Variants in PPARD observed in about 807,000 individuals in gnomAD.
PPARD encodes peroxisome proliferator-activated receptor delta.
A neutral mutation model predicts 39.5 loss-of-function variants in PPARD; 6 were observed. That is an observed-to-expected ratio of 0.15 (90% confidence interval 0.08 to 0.30). The LOEUF (loss-of-function observed/expected upper bound fraction) is 0.30. PPARD is among the 10% of genes least tolerant of loss of function. The pLI, the probability that PPARD is intolerant of heterozygous loss-of-function variation, is 1.00. For missense variants in PPARD, 397 were observed against 596.8 expected (o/e 0.67, Z 3.49); for synonymous variants, 210 against 231.3 (o/e 0.91, Z 0.83).
chr6:35,383,530 A>G (rs564608545), intron 2 of PPARD, among the ~76,000 whole-genome samples: 2 of 137,820 alleles, frequency 1.5e-5, no homozygotes, highest in African/African-American at 5.8e-5. Context: ...CTGGCTGCCC[A>G]GTCTGGGAGG....
intron 2 of PPARD, among the ~76,000 whole-genome samples, chr6:35,364,403 G>C (rs1762075832): frequency 6.6e-6 from 1 of 150,726 alleles, no homozygotes; most frequent in African/African-American, 2.4e-5. Flanking sequence ...TAGTGAAATT[G>C]CTGGGTCATA....
In PPARD at chr6:35,349,647, C is replaced by T. The variant is rs902136253; in HGVS notation, c.-102+2497C>T. On this transcript the variant is annotated intron_variant, in intron 2 of 7. Coordinates refer to ENST00000360694, the MANE Select transcript of PPARD (RefSeq NM_006238.5). ...CCAAGTAGCTGGGACTACAGGTGCACACCACTGTGCCTGGCTAAGTTTTTT... is the reference window on the plus strand; with the variant it reads ...CCAAGTAGCTGGGACTACAGGTGCATACCACTGTGCCTGGCTAAGTTTTTT... Among the ~76,000 whole-genome samples, 71 of 152,000 alleles carry T rather than the reference C, an allele frequency of 4.7e-4. 1 individual carries two copies. The highest frequency in any genetic ancestry group is 1.6e-3 in the African/African-American group (68 of 41,360).
chr6:35,375,794 C>T (rs1046805682), intron 2 of PPARD, among the ~76,000 whole-genome samples: 8 of 152,286 alleles, frequency 5.3e-5, no homozygotes, highest in Admixed American at 3.9e-4. Context: ...CTCAAGCCCT[C>T]CTCCCACCTT....
chr6:35,408,747 T>G (rs992849054), intron 2 of PPARD, among the ~76,000 whole-genome samples: 1 of 152,290 alleles, frequency 6.6e-6, no homozygotes, highest in Middle Eastern at 3.4e-3. Context: ...AAAACCAAAA[T>G]TTTTAAAGGT....
chr6:35,416,288 C>T (rs1352259069), intron 3 of PPARD, among the ~76,000 whole-genome samples: 4 of 134,826 alleles, frequency 3.0e-5, no homozygotes, highest in Non-Finnish European at 4.6e-5. Context: ...GCAGGAGAAT[C>T]GCTTGAACCC....
intron 1 of PPARD, among the ~76,000 whole-genome samples, chr6:35,346,072 G>A (rs1792165697): frequency 1.3e-5 from 2 of 151,908 alleles, no homozygotes; most frequent in Admixed American, 1.3e-4. Flanking sequence ...GTAGAGACAG[G>A]GTTTCACCGT....
intron 2 of PPARD, among the ~76,000 whole-genome samples, chr6:35,369,242 C>T (rs1762358277): frequency 1.3e-5 from 2 of 152,068 alleles, no homozygotes; most frequent in African/African-American, 4.8e-5. Context: ...CCCTTCACAC[C>T]CCCTCTTTTT....
At chr6:35,346,215 G>C (rs917567547) in intron 1 of PPARD, among the ~76,000 whole-genome samples, 1 of 152,260 alleles carries the variant, frequency 6.6e-6, no homozygotes, top group Admixed American at 6.5e-5. Flanking sequence ...GCTATATCCT[G>C]TCCCTGAGGC....
intron 2 of PPARD, among the ~76,000 whole-genome samples, chr6:35,376,968 TGAG>T (rs1325577744): frequency 3.4e-5 from 5 of 148,842 alleles, no homozygotes; most frequent in Admixed American, 2.0e-4. Flanking sequence ...TGCAGTGAGC[TGAG>T]ATCACGCCAC....
At chr6:35,380,474 TTG>T (rs1490346875) in intron 2 of PPARD, among the ~76,000 whole-genome samples, 55 of 115,238 alleles carry the variant, frequency 4.8e-4, no homozygotes, top group African/African-American at 1.8e-3. Flanking sequence ...TTTTTTTTGT[TTG>T]TTTTTTTTTT....
At position 35,426,271 on chromosome 6, in the gene PPARD, T is replaced by C. The variant is rs1766570620; in HGVS notation, c.*192T>C. ...CTCTCCCGCTTCCTCCAGCCAGCTC[T>C]CTTCCTGTCTTTGTTGTCTCCCTCT... On this transcript the variant is annotated 3_prime_UTR_variant, in exon 8 of 8. Transcript: ENST00000360694. 4.5e-6 allele frequency: 3 copies of C among 670,782 alleles called. No individual in the cohort carries two copies. The South Asian group carries it at 5.9e-5, about 13-fold the overall frequency. The allele number at this position is 670,782 out of a possible 1,614,324, so 41.6% of individuals were successfully genotyped here. A position where few individuals can be genotyped will look rare whatever the true frequency, so the allele number is the denominator to read the frequency against.
At chr6:35,342,995 C>T (rs1356415802) in intron 1 of PPARD, among the ~76,000 whole-genome samples, 1 of 151,754 alleles carries the variant, frequency 6.6e-6, no homozygotes, top group Non-Finnish European at 1.5e-5. Flanking sequence ...GGCCTGGTGG[C>T]TTCGTCTTCT....
At position 35,366,461 on chromosome 6, in the gene PPARD, G is replaced by A. The variant is rs544315057; in HGVS notation, c.-102+19311G>A. Among the ~76,000 whole-genome samples the A allele has an allele frequency of 3.2e-3, 489 of 151,738 alleles. 28 individuals carry two copies. Among genetic ancestry groups the A allele is most frequent in the African/African-American group, 0.011 (469 of 41,050 alleles). ...AATCTGATAGCATTTATGCTAGAGG[G>A]GTCAAAATGGAGAGAGATACACAGG... On this transcript the variant is annotated intron_variant, in intron 2 of 7. Coordinates refer to ENST00000360694, the MANE Select transcript of PPARD (RefSeq NM_006238.5). The surrounding 1 kb of genome is among the most constrained non-coding windows in gnomAD (Gnocchi z 4.6).
intron 2 of PPARD, among the ~76,000 whole-genome samples, chr6:35,386,945 C>A (rs1459736328): frequency 2.0e-5 from 3 of 151,338 alleles, no homozygotes. Flanking sequence ...CATCTCCTAA[C>A]CTTGGTTTAT....
At chr6:35,414,613 C>A (rs1765633237) in intron 3 of PPARD, among the ~76,000 whole-genome samples, 1 of 152,172 alleles carries the variant, frequency 6.6e-6, no homozygotes, top group Non-Finnish European at 1.5e-5. Context: ...AAGTCTCATT[C>A]TCTTCACCTT....
At chr6:35,367,631 G>T (rs892071132) in intron 2 of PPARD, among the ~76,000 whole-genome samples, 2 of 152,240 alleles carry the variant, frequency 1.3e-5, no homozygotes, top group Non-Finnish European at 2.9e-5. Flanking sequence ...TTGATTGTGT[G>T]AATTGGGTCC....
intron 3 of PPARD, among the ~76,000 whole-genome samples, chr6:35,419,000 C>T (rs1310334985): frequency 6.6e-6 from 1 of 152,144 alleles, no homozygotes; most frequent in African/African-American, 2.4e-5. Flanking sequence ...GATAGGTACT[C>T]CCATGGTGGG....
intron 2 of PPARD, among the ~76,000 whole-genome samples, chr6:35,376,848 G>A (rs371465146): frequency 1.3e-5 from 2 of 151,868 alleles, no homozygotes; most frequent in African/African-American, 2.4e-5. Context: ...GTGAAACCCC[G>A]TCTCTACTAA....
rs776789995 is a variant in PPARD, at chr6:35,411,126, AGAG to A, written c.46_48del (p.Glu16del). The A allele has an allele frequency of 6.3e-7, 1 of 1,587,040 alleles. No individual in the cohort carries two copies. The highest frequency in any genetic ancestry group is 1.4e-5 in the African/African-American group (1 of 73,722). ...AGGAGGAAGCCCCTGAGGTCCGGGA[AGAG>A]GAGGAGAAAGAGGAAGTGGCAGAGG... On this transcript the variant is annotated inframe_deletion, in exon 3 of 8. Coordinates refer to ENST00000360694, the MANE Select transcript of PPARD (RefSeq NM_006238.5).
Sources: allele counts gnomAD v4.1 joint callset (sites outside exome capture counted in the v4.1 genomes callset), GRCh38; gene constraint gnomAD v4.1.1; non-coding constraint Gnocchi (gnomAD v3.1); transcripts MANE v1.5; gene names NCBI Gene and HGNC (gene_info 2026-07-23, HGNC 2026-07-21).